OPCML: variants seen among roughly 807,000 people sequenced by gnomAD.
OPCML encodes the protein opioid binding protein/cell adhesion molecule like.
OPCML carries 13 observed loss-of-function variants against 37.8 expected under a neutral mutation model. The observed-to-expected ratio is 0.34, with a 90% CI of 0.22 to 0.55. The LOEUF (loss-of-function observed/expected upper bound fraction) is 0.55, where lower values mean the gene tolerates loss of function less well. OPCML is among the 20% of genes least tolerant of loss of function. OPCML has a pLI of 0.91. For synonymous variants in OPCML, 176 were observed against 168.8 expected (o/e 1.04, Z -0.33); for missense variants, 341 against 435.6 (o/e 0.78, Z 1.93).
At chr11:133,197,633 T>A (rs1938586747) in intron 1 of OPCML, among the ~76,000 whole-genome samples, 1 of 152,170 alleles carries the variant, frequency 6.6e-6, no homozygotes, top group Admixed American at 6.5e-5. Context: ...GGAACTCTTC[T>A]CTCTGGAAGG....
At chr11:132,508,722 A>C (rs973347058) in intron 4 of OPCML, among the ~76,000 whole-genome samples, 2 of 152,140 alleles carry the variant, frequency 1.3e-5, no homozygotes, top group African/African-American at 4.8e-5. Context: ...TCTTGTCACC[A>C]CCATGTAAGA....
intron 1 of OPCML, among the ~76,000 whole-genome samples, chr11:133,393,940 C>T (rs1341622142): frequency 6.6e-6 from 1 of 152,222 alleles, no homozygotes; most frequent in Non-Finnish European, 1.5e-5. Context: ...TTACTCCTAT[C>T]CAAGTGGCCC....
chr11:132,568,271 T>C (rs2096429159), intron 3 of OPCML, among the ~76,000 whole-genome samples: 1 of 152,174 alleles, frequency 6.6e-6, no homozygotes, highest in African/African-American at 2.4e-5. Context: ...TTTACTGTCA[T>C]GTTATTAATA....
At chr11:133,160,709 G>A (rs912143509) in intron 1 of OPCML, among the ~76,000 whole-genome samples, 1 of 152,216 alleles carries the variant, frequency 6.6e-6, no homozygotes, top group African/African-American at 2.4e-5. Context: ...TGAGAGCCTG[G>A]TGAGGGACCC....
At chr11:133,222,319 G>A (rs1017920501) in intron 1 of OPCML, among the ~76,000 whole-genome samples, 1 of 152,178 alleles carries the variant, frequency 6.6e-6, no homozygotes, top group Non-Finnish European at 1.5e-5. Flanking sequence ...TTGTTCACTC[G>A]CCAGGCAGGA....
intron 4 of OPCML, among the ~76,000 whole-genome samples, chr11:132,490,105 G>A (rs958896094): frequency 2.0e-5 from 3 of 151,930 alleles, no homozygotes; most frequent in Middle Eastern, 3.2e-3. Flanking sequence ...GGGCATTTGG[G>A]TTGGTTCCAA....
At chr11:133,030,884 A>T (rs1418788087) in intron 1 of OPCML, among the ~76,000 whole-genome samples, 7 of 148,518 alleles carry the variant, frequency 4.7e-5, no homozygotes, top group East Asian at 2.2e-4. Flanking sequence ...CAGAGTTTGG[A>T]CTTTTTTTTT....
At chr11:133,305,867 G>A (rs984844763) in intron 1 of OPCML, among the ~76,000 whole-genome samples, 4 of 152,138 alleles carry the variant, frequency 2.6e-5, no homozygotes, top group Non-Finnish European at 5.9e-5. Flanking sequence ...CCAACAGCTT[G>A]TGGAAATTAG....
chr11:133,260,334 G>A (rs1941451838), intron 1 of OPCML, among the ~76,000 whole-genome samples: 1 of 152,118 alleles, frequency 6.6e-6, no homozygotes, highest in Admixed American at 6.5e-5. Flanking sequence ...AGATGACATG[G>A]TGTACATTTG....
At chr11:132,820,007 T>A (rs1158898913) in intron 2 of OPCML, among the ~76,000 whole-genome samples, 1 of 152,144 alleles carries the variant, frequency 6.6e-6, no homozygotes, top group African/African-American at 2.4e-5. Flanking sequence ...CCTGTCTGCA[T>A]CTTCACTCTG....
chr11:133,285,750 G>A (rs1180145674), intron 1 of OPCML, among the ~76,000 whole-genome samples: 3 of 152,148 alleles, frequency 2.0e-5, no homozygotes, highest in Non-Finnish European at 4.4e-5. Flanking sequence ...CCTTAAAGAA[G>A]GTGTATGAGA....
intron 3 of OPCML, among the ~76,000 whole-genome samples, chr11:132,540,663 G>C (rs1193777171): frequency 6.6e-6 from 1 of 152,192 alleles, no homozygotes; most frequent in Non-Finnish European, 1.5e-5. Context: ...AAATGATAGG[G>C]AATGAGAACA....
chr11:132,979,961 T>G (rs571472014), intron 1 of OPCML, among the ~76,000 whole-genome samples: 1 of 152,310 alleles, frequency 6.6e-6, no homozygotes, highest in Non-Finnish European at 1.5e-5. Context: ...ATAAAGAGGC[T>G]GAGTAAGATA....
intron 3 of OPCML, among the ~76,000 whole-genome samples, chr11:132,561,227 T>G (rs1472019702): frequency 1.3e-5 from 2 of 152,234 alleles, no homozygotes; most frequent in African/African-American, 4.8e-5. Context: ...CTGTCTTAAG[T>G]GAACTACTCC....
Position 133,445,838 on chromosome 11 carries a change from G to A in OPCML, c.61+86426C>T, listed in dbSNP as rs533385736. Reference sequence around the variant, plus strand: ...AAAGGAAAAGTGAGAAACAAGCAGGGATTTAAATGCAATGTTGGTGGAAGA... The same window carrying A: ...AAAGGAAAAGTGAGAAACAAGCAGGAATTTAAATGCAATGTTGGTGGAAGA... On this transcript the variant is annotated intron_variant, in intron 1 of 7. Coordinates refer to ENST00000524381, the MANE Select transcript of OPCML (RefSeq NM_001012393.5). 4.6e-5 allele frequency among the ~76,000 whole-genome samples: 7 copies of A among 152,194 alleles called. No homozygotes were observed. In the South Asian group the frequency reaches 6.2e-4, roughly 14 times the overall value.
chr11:133,410,679 C>T (rs1416926780), intron 1 of OPCML, among the ~76,000 whole-genome samples: 1 of 121,894 alleles, frequency 8.2e-6, no homozygotes, highest in African/African-American at 2.9e-5. Flanking sequence ...AAAAAGACCT[C>T]TCTTTCCCAT....
intron 1 of OPCML, among the ~76,000 whole-genome samples, chr11:133,200,148 T>G (rs1369447887): frequency 6.6e-6 from 1 of 152,152 alleles, no homozygotes. Context: ...CTTTACTTAC[T>G]CTTCAAGAAC....
chr11:132,849,154 TG>T (rs1464377062), intron 2 of OPCML, among the ~76,000 whole-genome samples: 1 of 152,258 alleles, frequency 6.6e-6, no homozygotes, highest in African/African-American at 2.4e-5. Context: ...TGCATTGTCT[TG>T]TTCTATCCAT....
intron 1 of OPCML, among the ~76,000 whole-genome samples, chr11:133,416,564 C>T (rs1945770500): frequency 6.6e-6 from 1 of 152,194 alleles, no homozygotes; most frequent in South Asian, 2.1e-4. Flanking sequence ...TGTCAGGTGA[C>T]TGTCCTTGTT....
Sources: gnomAD v4.1 joint callset for allele counts (sites outside exome capture counted in the v4.1 genomes callset) on GRCh38, gnomAD v4.1.1 for gene constraint, MANE v1.5 for transcripts, NCBI Gene and HGNC (gene_info 2026-07-23, HGNC 2026-07-21) for gene names.